Variants in CARF observed in about 807,000 individuals in gnomAD.
The protein encoded by CARF is calcium responsive transcription factor.
CARF carries 57 observed loss-of-function variants against 82.0 expected under a neutral mutation model. The ratio of observed to expected loss-of-function variants is 0.70; its 90% CI spans 0.56 to 0.87. The LOEUF is 0.87. CARF is among the 40% of genes least tolerant of loss of function. CARF has a pLI of 0.00. For synonymous variants in CARF, 268 were observed against 290.1 expected (o/e 0.92, Z 0.77); for missense variants, 771 against 855.8 (o/e 0.90, Z 1.24).
chr2:202,979,077 T>G (rs895048544), intron 14 of CARF, among the ~76,000 whole-genome samples: 1 of 151,834 alleles, frequency 6.6e-6, no homozygotes, highest in African/African-American at 2.4e-5. Context: ...GCCAACATGG[T>G]GAAACCTGGT....
intron 12 of CARF, chr2:202,973,421 CA>C (rs1458818806): frequency 3.0e-5 from 13 of 427,498 alleles, no homozygotes; most frequent in Admixed American, 2.8e-4. Context: ...ATTTTTTATA[CA>C]ATTAAATAAC....
intron 5 of CARF, among the ~76,000 whole-genome samples, chr2:202,949,440 G>T (rs568775841): frequency 1.8e-4 from 28 of 151,706 alleles, no homozygotes; most frequent in African/African-American, 6.8e-4. Flanking sequence ...ACAGGGGTGT[G>T]CCACTGCCAT....
intron 5 of CARF, among the ~76,000 whole-genome samples, chr2:202,950,767 C>T (rs1229857722): frequency 6.6e-6 from 1 of 152,160 alleles, no homozygotes; most frequent in Admixed American, 6.5e-5. Context: ...TGAGGTAATA[C>T]ATCTGAAGTG....
At chr2:202,948,850 C>T (rs888402084) in intron 5 of CARF, among the ~76,000 whole-genome samples, 4 of 152,102 alleles carry the variant, frequency 2.6e-5, no homozygotes, top group African/African-American at 4.8e-5. Context: ...CTTTCTCTTG[C>T]CTGATTGCTT....
At chr2:202,929,665 A>G (rs1449177555) in intron 3 of CARF, among the ~76,000 whole-genome samples, 1 of 152,168 alleles carries the variant, frequency 6.6e-6, no homozygotes, top group Admixed American at 6.5e-5. Context: ...TTGGCTAGTC[A>G]AGGTCTTTTG....
At chr2:202,925,717 C>T (rs973637326) in intron 3 of CARF, 1 of 177,274 alleles carries the variant, frequency 5.6e-6, no homozygotes, top group Non-Finnish European at 1.2e-5. Context: ...TGGAAGCCAT[C>T]CTCCAGAGAG....
At position 202,948,553 on chromosome 2, in the gene CARF, T is replaced by C. The variant is rs1035687131; in HGVS notation, c.307-4006T>C. On this transcript the variant is annotated intron_variant, in intron 5 of 16. Transcript: ENST00000438828. ...TTTGAGCAGTCTTTTGTAATTCTTA[T>C]GGTAGAGATCTTTCACCTTCTTGTA... 3.3e-5 allele frequency among the ~76,000 whole-genome samples: 5 copies of C among 152,318 alleles called. No individual in the cohort carries two copies. The East Asian group carries it at 9.6e-4, about 29-fold the overall frequency.
chr2:202,935,285 C>T (rs1693737247), intron 3 of CARF, among the ~76,000 whole-genome samples: 1 of 135,900 alleles, frequency 7.4e-6, no homozygotes. Flanking sequence ...GTAGAATATT[C>T]TACTTATATA....
At chr2:202,974,220 G>A (rs563338557) in intron 12 of CARF, 114 bp from the exon 13 acceptor site, 3 of 670,756 alleles carry the variant, frequency 4.5e-6, no homozygotes, top group East Asian at 3.1e-5. Flanking sequence ...TACTTACAGA[G>A]CTATAAACCA....
rs574978651 is a variant in CARF, at chr2:202,952,816, C to T, written c.427+137C>T. ...TATGAATTAAATAATTAGAAAACAGCTCTTTGCCCAAATAAATTCAAAGTT... is the reference window on the plus strand; with the variant it reads ...TATGAATTAAATAATTAGAAAACAGTTCTTTGCCCAAATAAATTCAAAGTT... On this transcript the variant is annotated intron_variant, in intron 6 of 16. Coordinates refer to ENST00000438828, the MANE Select transcript of CARF (RefSeq NM_024744.17). The T allele has an allele frequency of 1.6e-5, 13 of 837,276 alleles. No homozygotes were observed. The South Asian group carries it at 4.0e-4, about 26-fold the overall frequency. The allele number at this position is 837,276 out of a possible 1,614,324, so 51.9% of individuals were successfully genotyped here. A position where few individuals can be genotyped will look rare whatever the true frequency, so the allele number is the denominator to read the frequency against.
At chr2:202,945,635 C>A (rs1329298395) in intron 5 of CARF, among the ~76,000 whole-genome samples, 11 of 152,186 alleles carry the variant, frequency 7.2e-5, no homozygotes, top group Non-Finnish European at 1.6e-4. Flanking sequence ...CCACAAAAGA[C>A]ATGATCTTGT....
At chr2:202,924,985 A>G in intron 3 of CARF, 1 of 365,400 alleles carries the variant, frequency 2.7e-6, no homozygotes, top group African/African-American at 2.1e-5. Context: ...GGAGCAGCAG[A>G]ACAAGATACT....
intron 3 of CARF, among the ~76,000 whole-genome samples, chr2:202,935,104 A>ATATAATTATATATAATTATT (rs1461199782): frequency 3.5e-5 from 5 of 142,670 alleles, no homozygotes; most frequent in Middle Eastern, 3.6e-3. Flanking sequence ...TATATATAAT[A>ATATAATTATATATAATTATT]TATAATTATA....
intron 5 of CARF, 23 bp from the exon 6 acceptor site, chr2:202,952,536 T>A: frequency 6.4e-7 from 1 of 1,559,204 alleles, no homozygotes; most frequent in Non-Finnish European, 8.8e-7. Flanking sequence ...TGCATTTGAT[T>A]TTTTTTTTTT....
At chr2:202,979,669 C>T (rs1427962589) in intron 14 of CARF, among the ~76,000 whole-genome samples, 2 of 151,766 alleles carry the variant, frequency 1.3e-5, no homozygotes, top group African/African-American at 2.4e-5. Flanking sequence ...GGCATGGTGT[C>T]ACACACCTGT....
At chr2:202,958,473 G>A (rs2059155150) in intron 8 of CARF, among the ~76,000 whole-genome samples, 1 of 152,034 alleles carries the variant, frequency 6.6e-6, no homozygotes. Flanking sequence ...ATAGTGCATT[G>A]TGTGGCTTAC....
intron 9 of CARF, among the ~76,000 whole-genome samples, chr2:202,966,552 A>G (rs1284032639): frequency 6.6e-6 from 1 of 152,160 alleles, no homozygotes; most frequent in Non-Finnish European, 1.5e-5. Flanking sequence ...TCTACTAAAA[A>G]TACAAAAATT....
At chr2:202,936,168 C>A (rs1475704652) in intron 3 of CARF, among the ~76,000 whole-genome samples, 2 of 152,076 alleles carry the variant, frequency 1.3e-5, no homozygotes, top group Non-Finnish European at 1.5e-5. Flanking sequence ...CTGAACATCC[C>A]AAGAAAAATT....
intron 8 of CARF, among the ~76,000 whole-genome samples, chr2:202,956,446 G>C (rs2059046219): frequency 6.6e-6 from 1 of 151,814 alleles, no homozygotes; most frequent in African/African-American, 2.4e-5. Flanking sequence ...AGCAGAGATG[G>C]GATTACACCA....
Sources: allele counts gnomAD v4.1 joint callset (sites outside exome capture counted in the v4.1 genomes callset), GRCh38; gene constraint gnomAD v4.1.1; transcripts MANE v1.5; gene names NCBI Gene and HGNC (gene_info 2026-07-23, HGNC 2026-07-21).